The following ATP2B4 variants were observed in gnomAD, a reference collection of about 807,000 sequenced individuals.
ATP2B4 encodes ATPase plasma membrane Ca2+ transporting 4.
A neutral mutation model predicts 110.3 loss-of-function variants in ATP2B4; 39 were observed. The observed-to-expected ratio is 0.35, with a 90% CI of 0.27 to 0.46. The LOEUF is 0.46. ATP2B4 is among the 20% of genes least tolerant of loss of function. The probability of loss-of-function intolerance (pLI) is 1.00; values close to 1 mark genes in which losing one functional copy is unlikely to be tolerated. For synonymous variants in ATP2B4, 538 were observed against 571.7 expected (o/e 0.94, Z 0.84); for missense variants, 1,135 against 1,530.9 (o/e 0.74, Z 4.32).
chr1:203,718,387 C>G (rs1666221242), intron 15 of ATP2B4, among the ~76,000 whole-genome samples: 1 of 152,138 alleles, frequency 6.6e-6, no homozygotes, highest in South Asian at 2.1e-4. Flanking sequence ...CAACCTCTGC[C>G]TCCCAGGTAC....
In ATP2B4 at chr1:203,691,804, C is replaced by T. The variant is rs150643834; in HGVS notation, c.194-6353C>T. 4.0e-3 allele frequency among the ~76,000 whole-genome samples: 613 copies of T among 152,302 alleles called. 2 individuals are homozygous for T. The highest frequency in any genetic ancestry group is 6.7e-3 in the Non-Finnish European group (453 of 68,040). ...ATTAGCCAGAGATGGCTAGATCTTG[C>T]ATGGCCCTATTTTGATTTTAAGTTA... is the stretch of plus-strand genomic sequence containing the variant. On this transcript the variant is annotated intron_variant, in intron 2 of 20. Transcript: ENST00000357681.
chr1:203,635,491 C>A (rs1264640800), intron 1 of ATP2B4, among the ~76,000 whole-genome samples: 1 of 152,028 alleles, frequency 6.6e-6, no homozygotes, highest in Non-Finnish European at 1.5e-5. Context: ...TAGGAAGACT[C>A]CACCTCTACA....
At chr1:203,693,245 G>A (rs1048747671) in intron 2 of ATP2B4, among the ~76,000 whole-genome samples, 3 of 152,182 alleles carry the variant, frequency 2.0e-5, no homozygotes, top group African/African-American at 7.2e-5. Context: ...AGGGCAGAAA[G>A]AATTGGAATG....
At position 203,703,726 on chromosome 1, in the gene ATP2B4, G is replaced by T; in HGVS notation, c.1012G>T (p.Asp338Tyr). ...SQEGIDNEEK[D>Y]KKAVKVPKKE... Reference sequence around the variant, plus strand: ...GGAGGGAATCGACAATGAGGAAAAGGACAAGAAGGCAGTCAAGGTGCCTAA... The same window carrying T: ...GGAGGGAATCGACAATGAGGAAAAGTACAAGAAGGCAGTCAAGGTGCCTAA... Residue 338 changes from aspartate to tyrosine, a missense_variant, in exon 8 of 21, where the codon GAC (aspartate) becomes TAC (tyrosine). By Grantham distance (160) the Asp-to-Tyr change is radical (BLOSUM62 -3). Coordinates refer to ENST00000357681, the MANE Select transcript of ATP2B4 (RefSeq NM_001684.5). 6.2e-7 allele frequency: 1 copy of T among 1,614,158 alleles called. No individual in the cohort carries two copies. The highest frequency in any genetic ancestry group is 2.2e-5 in the East Asian group (1 of 44,884).
chr1:203,722,853 TG>T (rs1666379030), intron 18 of ATP2B4, among the ~76,000 whole-genome samples, 164 bp downstream of exon 18: 1 of 152,252 alleles, frequency 6.6e-6, no homozygotes, highest in African/African-American at 2.4e-5. Flanking sequence ...TTTTGCATAT[TG>T]CTCTAGAATT....
At chr1:203,725,147 A>T (rs916846116) in intron 19 of ATP2B4, among the ~76,000 whole-genome samples, 3 of 148,948 alleles carry the variant, frequency 2.0e-5, no homozygotes, top group Non-Finnish European at 4.4e-5. Flanking sequence ...AAGTGCTGGG[A>T]TTACAGGTGT....
At chr1:203,704,525 G>A (rs1665792437) in intron 8 of ATP2B4, among the ~76,000 whole-genome samples, 1 of 126,170 alleles carries the variant, frequency 7.9e-6, no homozygotes. Flanking sequence ...CTGTTGCCCA[G>A]GATGGAGTGC....
At chr1:203,731,579 G>A (rs1369236505) in intron 20 of ATP2B4, among the ~76,000 whole-genome samples, 1 of 152,188 alleles carries the variant, frequency 6.6e-6, no homozygotes, top group African/African-American at 2.4e-5. Context: ...ATGGCCGGGC[G>A]CGGTGGCTCA....
intron 1 of ATP2B4, among the ~76,000 whole-genome samples, chr1:203,652,163 GAC>G (rs1571682819): frequency 1.7e-5 from 2 of 118,188 alleles, no homozygotes; most frequent in East Asian, 5.3e-4. Flanking sequence ...TTTTTTTTCT[GAC>G]ACAGAGTCTC....
At chr1:203,726,698 T>C (rs1666530300) in intron 19 of ATP2B4, among the ~76,000 whole-genome samples, 1 of 152,154 alleles carries the variant, frequency 6.6e-6, no homozygotes, top group Non-Finnish European at 1.5e-5. Flanking sequence ...GGCTACTCCT[T>C]ATCTTGTCCG....
intron 2 of ATP2B4, among the ~76,000 whole-genome samples, chr1:203,696,785 CAT>C (rs910725290): frequency 3.6e-4 from 54 of 151,740 alleles, no homozygotes; most frequent in African/African-American, 1.3e-3. Context: ...GTGTGTGTGT[CAT>C]ATATCTGTGT....
intron 1 of ATP2B4, among the ~76,000 whole-genome samples, chr1:203,649,115 G>A (rs1364950634): frequency 6.6e-6 from 1 of 152,136 alleles, no homozygotes; most frequent in Admixed American, 6.5e-5. Flanking sequence ...GCATGGGAAA[G>A]TCCCTCCTTA....
intron 15 of ATP2B4, among the ~76,000 whole-genome samples, chr1:203,719,098 A>C (rs1666241221): frequency 6.6e-6 from 1 of 151,876 alleles, no homozygotes; most frequent in Non-Finnish European, 1.5e-5. Context: ...GCTGGCACAC[A>C]CCTGTCGTCC....
chr1:203,707,937 T>C lies in ATP2B4; in HGVS notation c.1390T>C (p.Ser464Pro). The part of the protein sequence containing the change: ...ETMGNATAIC[S>P]DKTGTLTMNR... ...CATGGGCAACGCCACCGCCATCTGC[T>C]CTGATAAGACAGGCACGTTGACCAT... The change falls in exon 10 of 21, where the codon TCT becomes CCT. Residue 464 changes from serine (S) to proline (P), a missense_variant. Physicochemically the swap from Ser to Pro is moderately conservative, Grantham distance 74. This residue lies in a region of ATP2B4 where 368 missense variants were observed against 455.9 expected (regional missense o/e 0.81). Coordinates refer to ENST00000357681, the MANE Select transcript of ATP2B4 (RefSeq NM_001684.5). 1 of 1,614,216 alleles carries C rather than the reference T, an allele frequency of 6.2e-7. No homozygotes were observed. Among genetic ancestry groups the C allele is most frequent in the Non-Finnish European group, 8.5e-7 (1 of 1,180,046 alleles).
intron 15 of ATP2B4, among the ~76,000 whole-genome samples, chr1:203,719,428 G>A (rs1325266490): frequency 6.6e-6 from 1 of 151,848 alleles, no homozygotes; most frequent in Non-Finnish European, 1.5e-5. Context: ...ATCAAATGCA[G>A]TCTGGGCACG....
At chr1:203,683,951 C>T (rs1293943140) in intron 2 of ATP2B4, among the ~76,000 whole-genome samples, 5 of 151,922 alleles carry the variant, frequency 3.3e-5, no homozygotes, top group African/African-American at 9.7e-5. Flanking sequence ...GTTGGGATTA[C>T]AGGCACAGTG....
Position 203,720,660 on chromosome 1 carries a change from A to G in ATP2B4, c.2518A>G (p.Ile840Val). ...GTGGGGACGAAATGTCTATGACAGC[A>G]TCTCCAAGTTCCTGCAGTTCCAGCT... ...VMWGRNVYDS[I>V]SKFLQFQLTV... Residue 840 changes from isoleucine (I) to valine (V), a missense_variant, in exon 16 of 21, where the codon ATC (isoleucine) becomes GTC (valine). Ile to Val is a conservative substitution (Grantham distance 29). Around this residue, in one of 9 missense-constraint regions of ATP2B4, gnomAD observed 70 missense variants for 142.4 expected, o/e 0.49. Transcript: ENST00000357681. 1.9e-6 allele frequency: 3 copies of G among 1,614,054 alleles called. No homozygotes were observed. In the South Asian group the frequency reaches 3.3e-5, roughly 18 times the overall value.
At position 203,629,971 on chromosome 1, in the gene ATP2B4, C is replaced by A. The variant is rs1161708564; in HGVS notation, c.-465+2752C>A. On this transcript the variant is annotated intron_variant, in intron 1 of 20. Transcript: ENST00000357681. This position sits in a 1 kb window ranked among gnomAD's most constrained non-coding sequence, Gnocchi z 4.6. ...GAGTTCCTAACCCGCCGTCTGGCCT[C>A]CAGTTTCCCCTCTGCACAATGGAAA... Among the ~76,000 whole-genome samples, 2 of 152,156 alleles carry A rather than the reference C, an allele frequency of 1.3e-5. No individual in the cohort carries two copies. The highest frequency in any genetic ancestry group is 4.8e-5 in the African/African-American group (2 of 41,424).
intron 1 of ATP2B4, among the ~76,000 whole-genome samples, chr1:203,674,330 G>A (rs776353145): frequency 1.3e-5 from 2 of 152,094 alleles, no homozygotes; most frequent in African/African-American, 2.4e-5. Flanking sequence ...TTGAGCTCTA[G>A]CTTGCTGTGA....
Sources: allele counts gnomAD v4.1 joint callset (sites outside exome capture counted in the v4.1 genomes callset), GRCh38; gene constraint gnomAD v4.1.1; regional missense constraint gnomAD v4.1.1; non-coding constraint Gnocchi (gnomAD v3.1); transcripts MANE v1.5; gene names NCBI Gene and HGNC (gene_info 2026-07-23, HGNC 2026-07-21).